LRMDA: variants seen among roughly 807,000 people sequenced by gnomAD.
LRMDA encodes the protein leucine rich melanocyte differentiation associated.
Under a neutral mutation model 29.8 loss-of-function variants are expected in LRMDA, and 18 were observed. The ratio of observed to expected loss-of-function variants is 0.60; its 90% CI spans 0.42 to 0.90. LRMDA has a LOEUF of 0.90. Among genes scored for constraint, LRMDA ranks in the 40% least tolerant of loss-of-function variants. The probability of loss-of-function intolerance (pLI) is 0.00; values close to 1 mark genes in which losing one functional copy is unlikely to be tolerated. For synonymous variants in LRMDA, 125 were observed against 109.4 expected, an observed-to-expected ratio of 1.14 and a Z score of -0.89; for missense variants, 273 against 273.9, an observed-to-expected ratio of 1.00 and a Z score of 0.02.
intron 5 of LRMDA, among the ~76,000 whole-genome samples, chr10:76,097,307 G>A (rs1195441203): frequency 3.3e-5 from 5 of 152,106 alleles, no homozygotes; most frequent in Admixed American, 3.3e-4. Context: ...CACCGTGCCC[G>A]GCTTCATGTT....
intron 6 of LRMDA, among the ~76,000 whole-genome samples, chr10:76,380,956 T>C (rs1238033925): frequency 6.6e-6 from 1 of 151,420 alleles, no homozygotes; most frequent in African/African-American, 2.4e-5. Context: ...ATTTTTAACA[T>C]TTTTGTGTTA....
At position 75,930,595 on chromosome 10, in the gene LRMDA, G is replaced by A. The variant is rs138920441; in HGVS notation, c.132-105413G>A. ...GACTGTTAGACTGAAGGCTATTTGA[G>A]TTGTAGTTTATTGACAAGTGGTCAA... On this transcript the variant is annotated intron_variant, in intron 2 of 6. Transcript: ENST00000611255. 3.3e-5 allele frequency among the ~76,000 whole-genome samples: 5 copies of A among 152,252 alleles called. No homozygotes were observed. In the East Asian group the frequency reaches 9.7e-4, roughly 29 times the overall value.
At chr10:76,225,566 T>TA (rs1398823656) in intron 5 of LRMDA, among the ~76,000 whole-genome samples, 1 of 152,058 alleles carries the variant, frequency 6.6e-6, no homozygotes, top group African/African-American at 2.4e-5. Context: ...AGCTGGTTGT[T>TA]AAAAAGAGCC....
At chr10:76,277,062 T>C (rs890322551) in intron 5 of LRMDA, among the ~76,000 whole-genome samples, 5 of 152,160 alleles carry the variant, frequency 3.3e-5, no homozygotes, top group African/African-American at 1.2e-4. Context: ...TATACAGAAT[T>C]AGAGTATCCC....
At chr10:75,855,531 G>GGTA (rs1844810558) in intron 2 of LRMDA, among the ~76,000 whole-genome samples, 1 of 152,238 alleles carries the variant, frequency 6.6e-6, no homozygotes, top group African/African-American at 2.4e-5. Flanking sequence ...TCACTCTGAT[G>GGTA]GTAGTTCCTT....
rs1190427509 is a variant in LRMDA, at chr10:76,420,097, G to GT, written c.601+95618dup. Among the ~76,000 whole-genome samples the GT allele has an allele frequency of 4.0e-5, 6 of 151,754 alleles. No homozygotes were observed. In the East Asian group the frequency reaches 1.2e-3, roughly 29 times the overall value. ...ATAAAAGAAGTTGAGGAATTTTCTT[G>GT]TTTTTTCTATTCTTTGGAAGAGTTC... On this transcript the variant is annotated intron_variant, in intron 6 of 6. Transcript: ENST00000611255.
intron 6 of LRMDA, among the ~76,000 whole-genome samples, chr10:76,356,953 A>G (rs956408946): frequency 6.6e-6 from 1 of 152,174 alleles, no homozygotes; most frequent in East Asian, 1.9e-4. Flanking sequence ...CAGGTGGGCA[A>G]TGTTGGTAAC....
chr10:75,852,203 G>A (rs570465112), intron 2 of LRMDA, among the ~76,000 whole-genome samples: 1 of 152,298 alleles, frequency 6.6e-6, no homozygotes, highest in Non-Finnish European at 1.5e-5. Context: ...AAGAAGCCAA[G>A]CTTCACTAGA....
chr10:75,687,652 G>C (rs1275781055), intron 2 of LRMDA, among the ~76,000 whole-genome samples: 1 of 152,214 alleles, frequency 6.6e-6, no homozygotes, highest in Non-Finnish European at 1.5e-5. Flanking sequence ...CATTGATGAA[G>C]GTAGCTACAC....
intron 2 of LRMDA, among the ~76,000 whole-genome samples, chr10:75,871,896 C>T (rs1845117675): frequency 6.6e-6 from 1 of 152,182 alleles, no homozygotes; most frequent in Non-Finnish European, 1.5e-5. Context: ...TCCATTTGCT[C>T]AATATCCAAG....
At chr10:76,334,873 T>G (rs1419170828) in intron 6 of LRMDA, among the ~76,000 whole-genome samples, 1 of 152,158 alleles carries the variant, frequency 6.6e-6, no homozygotes, top group African/African-American at 2.4e-5. Flanking sequence ...AAAAAGAAGC[T>G]GTGGGCTCTG....
intron 6 of LRMDA, among the ~76,000 whole-genome samples, chr10:76,545,570 T>C (rs1167899037): frequency 2.0e-5 from 3 of 151,824 alleles, no homozygotes; most frequent in Non-Finnish European, 4.4e-5. Context: ...TTCCTGTTAA[T>C]GTAATTGCAC....
At chr10:75,772,425 G>A (rs577066327) in intron 2 of LRMDA, among the ~76,000 whole-genome samples, 7 of 152,114 alleles carry the variant, frequency 4.6e-5, no homozygotes, top group African/African-American at 1.4e-4. Flanking sequence ...TTCGTGAAAC[G>A]CCACATCTTT....
intron 5 of LRMDA, among the ~76,000 whole-genome samples, chr10:76,084,008 T>C (rs999720663): frequency 1.3e-5 from 2 of 152,072 alleles, no homozygotes; most frequent in African/African-American, 2.4e-5. Flanking sequence ...CCTTTCTTTC[T>C]AGCAGAGGGC....
At chr10:75,651,251 G>C (rs1270851300) in intron 2 of LRMDA, among the ~76,000 whole-genome samples, 1 of 152,192 alleles carries the variant, frequency 6.6e-6, no homozygotes, top group Non-Finnish European at 1.5e-5. Context: ...CCAGTGAGCT[G>C]TGAGGTAAAT....
intron 2 of LRMDA, among the ~76,000 whole-genome samples, chr10:75,523,018 C>G (rs1359929645): frequency 1.3e-5 from 2 of 152,226 alleles, no homozygotes; most frequent in Admixed American, 1.3e-4. Context: ...CCAGCTTTGC[C>G]TCCTCCCAGT....
chr10:75,764,983 C>A (rs1843144886), intron 2 of LRMDA, among the ~76,000 whole-genome samples: 1 of 150,254 alleles, frequency 6.7e-6, no homozygotes. Flanking sequence ...AGCATCTCTG[C>A]CCTCTTCAAG....
chr10:76,428,579 T>G (rs1013749808), intron 6 of LRMDA, among the ~76,000 whole-genome samples: 6 of 152,162 alleles, frequency 3.9e-5, no homozygotes, highest in African/African-American at 7.2e-5. Flanking sequence ...ACTTTTTTCT[T>G]GGATACTCCT....
At chr10:76,544,527 T>C (rs1433222147) in intron 6 of LRMDA, among the ~76,000 whole-genome samples, 2 of 152,152 alleles carry the variant, frequency 1.3e-5, no homozygotes, top group Non-Finnish European at 1.5e-5. Context: ...TTAATGAGCC[T>C]GACCCTAATG....
Sources: gnomAD v4.1 joint callset for allele counts (sites outside exome capture counted in the v4.1 genomes callset) on GRCh38, gnomAD v4.1.1 for gene constraint, MANE v1.5 for transcripts, NCBI Gene and HGNC (gene_info 2026-07-23, HGNC 2026-07-21) for gene names.